MGAT4C: variants seen among roughly 807,000 people sequenced by gnomAD.
MGAT4C encodes MGAT4 family member C, also known as alpha-1,3-mannosyl-glycoprotein 4-beta-N-acetylglucosaminyltransferase C.
Under a neutral mutation model 40.1 loss-of-function variants are expected in MGAT4C, and 19 were observed. The observed-to-expected ratio is 0.47, with a 90% confidence interval of 0.33 to 0.70. MGAT4C has a LOEUF of 0.70. Ranked by LOEUF, MGAT4C falls within the 30% of genes least tolerant of loss-of-function variation. MGAT4C has a pLI of 0.02. For synonymous variants in MGAT4C, 181 were observed against 187.1 expected, an observed-to-expected ratio of 0.97 and a Z score of 0.27; for missense variants, 491 against 563.2, an observed-to-expected ratio of 0.87 and a Z score of 1.30.
chr12:86,599,887 C>A (rs1180862931), intron 2 of MGAT4C, among the ~76,000 whole-genome samples: 1 of 151,938 alleles, frequency 6.6e-6, no homozygotes, highest in Non-Finnish European at 1.5e-5. Context: ...TCTATGGACT[C>A]AGGTACCTCC....
At chr12:86,097,880 G>GA (rs1874235964) in intron 1 of MGAT4C, among the ~76,000 whole-genome samples, 2 of 151,390 alleles carry the variant, frequency 1.3e-5, no homozygotes, top group Admixed American at 6.6e-5. Flanking sequence ...ATCTTCCCCT[G>GA]AAAAAACCTT....
intron 4 of MGAT4C, among the ~76,000 whole-genome samples, chr12:86,299,366 C>G (rs950820869): frequency 6.6e-6 from 1 of 152,288 alleles, no homozygotes; most frequent in East Asian, 1.9e-4. Context: ...ATCCGCCCGC[C>G]TCGGCCTCCC....
chr12:86,695,022 A>T (rs1593123174), intron 2 of MGAT4C, among the ~76,000 whole-genome samples: 1 of 152,338 alleles, frequency 6.6e-6, no homozygotes, highest in Non-Finnish European at 1.5e-5. Flanking sequence ...TACCTATCTG[A>T]CAAAGGATTA....
chr12:86,337,385 C>T (rs757201742), intron 3 of MGAT4C, among the ~76,000 whole-genome samples: 1 of 151,710 alleles, frequency 6.6e-6, no homozygotes, highest in Admixed American at 6.6e-5. Context: ...TCGCTTGAGC[C>T]TAGGAGTTCA....
At position 85,956,033 on chromosome 12, in the gene MGAT4C, G is replaced by A. The variant is rs920087025; in HGVS notation, c.*23256C>T. The stretch of plus-strand genomic sequence containing the variant: ...TAGTAAAATGTAGAGGTTTTCAATT[G>A]GTTTACAGGAAGTCTGATTTTTACA... On this transcript the variant is annotated 3_prime_UTR_variant, in exon 5 of 5. Coordinates refer to ENST00000611864, the MANE Select transcript of MGAT4C (RefSeq NM_001351288.2). 6 of 152,104 alleles carry A rather than the reference G, an allele frequency of 3.9e-5. No homozygotes were observed. Among genetic ancestry groups the A allele is most frequent in the African/African-American group, 1.4e-4 (6 of 41,424 alleles). 9.4% of individuals were successfully genotyped at this position (152,104 alleles called of 1,614,324 possible).
chr12:86,570,599 C>T (rs763350142), intron 2 of MGAT4C, among the ~76,000 whole-genome samples: 6 of 151,774 alleles, frequency 4.0e-5, no homozygotes, highest in Non-Finnish European at 8.8e-5. Context: ...GAAAAAGTGG[C>T]GGGGGAATAA....
intron 2 of MGAT4C, among the ~76,000 whole-genome samples, chr12:86,657,260 T>A (rs772557812): frequency 6.6e-6 from 1 of 151,850 alleles, no homozygotes; most frequent in Non-Finnish European, 1.5e-5. Flanking sequence ...GTGAAAACAA[T>A]GTAAGTGGGG....
intron 1 of MGAT4C, among the ~76,000 whole-genome samples, chr12:86,767,381 C>T (rs1389103591): frequency 6.6e-6 from 1 of 152,108 alleles, no homozygotes; most frequent in Non-Finnish European, 1.5e-5. Flanking sequence ...AATAGCTTAC[C>T]AACCAAAAAG....
chr12:86,657,289 T>C (rs1196982971), intron 2 of MGAT4C, among the ~76,000 whole-genome samples: 1 of 151,970 alleles, frequency 6.6e-6, no homozygotes, highest in Non-Finnish European at 1.5e-5. Context: ...AATGGGCTTT[T>C]TCTTGTATCA....
intron 1 of MGAT4C, among the ~76,000 whole-genome samples, chr12:86,774,345 C>CTA (rs1951708548): frequency 6.7e-5 from 1 of 14,910 alleles, no homozygotes; most frequent in Non-Finnish European, 1.4e-4. Flanking sequence ...CTTTCTGTCT[C>CTA]TCTCTCTCCC....
At chr12:86,043,738 C>T (rs986865151) in intron 2 of MGAT4C, among the ~76,000 whole-genome samples, 6 of 152,212 alleles carry the variant, frequency 3.9e-5, no homozygotes, top group Non-Finnish European at 7.3e-5. Flanking sequence ...CTTTCTCCCC[C>T]TCTCTTTCAG....
At chr12:86,641,374 TG>T (rs1297965320) in intron 2 of MGAT4C, among the ~76,000 whole-genome samples, 3 of 133,186 alleles carry the variant, frequency 2.3e-5, no homozygotes, top group Non-Finnish European at 4.8e-5. Flanking sequence ...TGTTGTGGGG[TG>T]GGGGGAGAGG....
rs758814666 is a variant in MGAT4C at position 86,233,872 on chromosome 12, CTGTT to C, written c.-57+22363_-57+22366del. Reference sequence around the variant, plus strand: ...AAAATCAGTTAAAGACAGCTCAGCTCTGTTTGTTTTATTCTATTATGACTTGAAA... The same window carrying C: ...AAAATCAGTTAAAGACAGCTCAGCTCTGTTTTATTCTATTATGACTTGAAA... On this transcript the variant is annotated intron_variant, in intron 1 of 4. Transcript: ENST00000611864. 2.7e-3 allele frequency among the ~76,000 whole-genome samples: 418 copies of C among 152,082 alleles called. 4 individuals are homozygous for C. Among genetic ancestry groups the C allele is most frequent in the Non-Finnish European group, 2.4e-3 (163 of 67,940 alleles).
intron 1 of MGAT4C, among the ~76,000 whole-genome samples, chr12:86,250,121 C>T (rs983343903): frequency 6.6e-6 from 1 of 151,974 alleles, no homozygotes; most frequent in African/African-American, 2.4e-5. Context: ...GGGAAAATAC[C>T]TTAGTGGAAT....
rs1005699977 is a variant in MGAT4C, at chr12:85,960,402, T to C, written c.*18887A>G. 6.6e-6 allele frequency: 1 copy of C among 152,062 alleles called. No homozygotes were observed. The highest frequency in any genetic ancestry group is 2.4e-5 in the African/African-American group (1 of 41,434). The allele number at this position is 152,062 out of a possible 1,614,324, so 9.4% of individuals were successfully genotyped here. A position where few individuals can be genotyped will look rare whatever the true frequency, so the allele number is the denominator to read the frequency against. ...TTATGACTTCACTACTGTGTCGTCA[T>C]TGGTAGAATAAGGATAACAATACTT... On this transcript the variant is annotated 3_prime_UTR_variant, in exon 5 of 5. Coordinates refer to ENST00000611864, the MANE Select transcript of MGAT4C (RefSeq NM_001351288.2).
At chr12:86,786,874 C>G (rs2136189031) in intron 1 of MGAT4C, among the ~76,000 whole-genome samples, 1 of 152,226 alleles carries the variant, frequency 6.6e-6, no homozygotes, top group East Asian at 1.9e-4. Context: ...GTTTATAATA[C>G]TTTCCACAAC....
intron 2 of MGAT4C, among the ~76,000 whole-genome samples, chr12:86,656,091 G>A (rs1222838512): frequency 6.6e-6 from 1 of 151,924 alleles, no homozygotes; most frequent in Non-Finnish European, 1.5e-5. Flanking sequence ...TTCAGTAAAG[G>A]CTTAGGACTA....
At chr12:86,321,815 A>C (rs896931731) in intron 4 of MGAT4C, among the ~76,000 whole-genome samples, 4 of 152,086 alleles carry the variant, frequency 2.6e-5, no homozygotes, top group Non-Finnish European at 4.4e-5. Flanking sequence ...GACAGTGTGG[A>C]GATTCCTCAG....
At chr12:86,142,719 T>TG (rs944118830) in intron 1 of MGAT4C, among the ~76,000 whole-genome samples, 123 of 151,922 alleles carry the variant, frequency 8.1e-4, no homozygotes, top group Non-Finnish European at 1.3e-3. Flanking sequence ...CTTTTTTTTT[T>TG]TTGTTTTTTT....
Sources: allele counts gnomAD v4.1 joint callset (sites outside exome capture counted in the v4.1 genomes callset), GRCh38; gene constraint gnomAD v4.1.1; transcripts MANE v1.5; gene names NCBI Gene and HGNC (gene_info 2026-07-23, HGNC 2026-07-21).